Variants in ZIM2 observed in about 807,000 individuals in gnomAD.
The protein encoded by ZIM2 is zinc finger imprinted 2, also known as zinc finger protein 656.
A neutral mutation model predicts 38.6 loss-of-function variants in ZIM2; 14 were observed. The observed-to-expected ratio is 0.36, with a 90% CI of 0.24 to 0.57. The LOEUF (loss-of-function observed/expected upper bound fraction) is 0.57. Among genes scored for constraint, ZIM2 ranks in the 20% least tolerant of loss-of-function variants. ZIM2 has a pLI of 0.81. For synonymous variants in ZIM2, 247 were observed against 245.8 expected (o/e 1.00, Z -0.04); for missense variants, 680 against 695.1 (o/e 0.98, Z 0.24).
intron 5 of ZIM2, 100 bp from the exon 6 acceptor site, chr19:56,822,936 T>C (rs766017250): frequency 3.4e-6 from 5 of 1,476,026 alleles, no homozygotes; most frequent in Non-Finnish European, 4.6e-6. Context: ...TGCTACCCTC[T>C]TCCCACAAGG....
intron 9 of ZIM2, among the ~76,000 whole-genome samples, chr19:56,805,231 C>G (rs1262559933): frequency 6.6e-6 from 1 of 152,176 alleles, no homozygotes; most frequent in Non-Finnish European, 1.5e-5. Context: ...AGAAATGTTT[C>G]CAGACATTGC....
At chr19:56,811,802 C>G (rs1477702566) in intron 9 of ZIM2, 1 of 985,454 alleles carries the variant, frequency 1.0e-6, no homozygotes, top group East Asian at 1.1e-4. Context: ...TTCCAAACTG[C>G]TCAGGACACC....
chr19:56,781,833 T>C lies in ZIM2; in HGVS notation c.739+120A>G, dbSNP rs1051462709. 6 of 1,273,218 alleles carry C rather than the reference T, an allele frequency of 4.7e-6. No individual in the cohort carries two copies. In the Admixed American group the frequency reaches 1.4e-4, roughly 30 times the overall value. The allele number at this position is 1,273,218 out of a possible 1,614,324, so 78.9% of individuals were successfully genotyped here. On this transcript the variant is annotated intron_variant, in intron 11 of 12. Transcript: ENST00000629319. ...TATTCAAATATTAAAATATTGCCTC[T>C]GACCTGGGTTGAGACTCACTGACAT...
At chr19:56,835,116 A>T (rs1377437188) in intron 2 of ZIM2, among the ~76,000 whole-genome samples, 2 of 152,038 alleles carry the variant, frequency 1.3e-5, no homozygotes, top group Non-Finnish European at 2.9e-5. Context: ...ATATGACCAC[A>T]AACCAAGCCA....
At chr19:56,775,656 T>TA in intron 12 of ZIM2, 127 bp from the exon 13 acceptor site, 6 of 1,424,752 alleles carry the variant, frequency 4.2e-6, no homozygotes, top group East Asian at 2.3e-5. Flanking sequence ...TTTCCTAATC[T>TA]GAAAAAAAAA....
intron 9 of ZIM2, chr19:56,816,895 T>C: frequency 1.2e-6 from 2 of 1,614,200 alleles, no homozygotes; most frequent in South Asian, 2.2e-5. Context: ...GGCGGCACTC[T>C]TATTGAAGGT....
chr19:56,819,842 A>G (rs2060305576), intron 7 of ZIM2, among the ~76,000 whole-genome samples: 1 of 152,212 alleles, frequency 6.6e-6, no homozygotes, highest in South Asian at 2.1e-4. Flanking sequence ...ATGGAGCAAC[A>G]TGAAAAATGT....
chr19:56,802,319 T>C (rs774128832), intron 9 of ZIM2, among the ~76,000 whole-genome samples: 1 of 152,032 alleles, frequency 6.6e-6, no homozygotes, highest in African/African-American at 2.4e-5. Context: ...CAAAATTGAC[T>C]ATGGAAACGT....
At chr19:56,808,230 A>T (rs2047853723) in intron 9 of ZIM2, among the ~76,000 whole-genome samples, 1 of 152,166 alleles carries the variant, frequency 6.6e-6, no homozygotes, top group Non-Finnish European at 1.5e-5. Context: ...TATTTAACGG[A>T]TGCTGGGCAT....
At position 56,836,048 on chromosome 19, in the gene ZIM2, G is replaced by A. The variant is rs575350610; in HGVS notation, c.-257C>T. ...CCCAGCCACCTAGCGTTTGGACCTA[G>A]TCCCTCTTCCTCTCGCCAGTCGTCT... On this transcript the variant is annotated 5_prime_UTR_variant, in exon 2 of 13. Coordinates refer to ENST00000629319, the MANE Select transcript of ZIM2 (RefSeq NM_001387356.1). 3.5e-5 allele frequency: 18 copies of A among 510,436 alleles called. No homozygotes were observed. Among genetic ancestry groups the A allele is most frequent in the Middle Eastern group, 3.2e-4 (1 of 3,160 alleles). 31.6% of individuals were successfully genotyped at this position (510,436 alleles called of 1,614,324 possible).
chr19:56,781,013 T>A (rs1044339273), intron 11 of ZIM2, among the ~76,000 whole-genome samples: 14 of 152,192 alleles, frequency 9.2e-5, no homozygotes, highest in Non-Finnish European at 1.6e-4. Context: ...ATGCTCCAGG[T>A]CACTGCATGA....
chr19:56,807,781 AC>A (rs985314530), intron 9 of ZIM2, among the ~76,000 whole-genome samples: 17 of 147,570 alleles, frequency 1.2e-4, no homozygotes, highest in African/African-American at 4.0e-4. Context: ...ACAGAGTGAG[AC>A]CTTGTCTCAA....
At chr19:56,820,501 C>T (rs138789275) in intron 7 of ZIM2, among the ~76,000 whole-genome samples, 1 of 152,186 alleles carries the variant, frequency 6.6e-6, no homozygotes, top group African/African-American at 2.4e-5. Context: ...ATGCCTCCAG[C>T]CTTCTTCCTA....
chr19:56,825,565 TC>T (rs2060941291), intron 3 of ZIM2, among the ~76,000 whole-genome samples: 1 of 76,272 alleles, frequency 1.3e-5, no homozygotes, highest in Non-Finnish European at 3.9e-5. Flanking sequence ...TTTCAATCTC[TC>T]CTTTTTTTTA....
At chr19:56,794,397 T>C (rs1409332297) in intron 9 of ZIM2, among the ~76,000 whole-genome samples, 1 of 152,192 alleles carries the variant, frequency 6.6e-6, no homozygotes, top group East Asian at 1.9e-4. Flanking sequence ...GGGGAAAACA[T>C]TTTTTTCTTT....
chr19:56,807,375 G>A (rs1473989101), intron 9 of ZIM2, among the ~76,000 whole-genome samples: 1 of 152,178 alleles, frequency 6.6e-6, no homozygotes, highest in Non-Finnish European at 1.5e-5. Context: ...GAGAAAGTGA[G>A]TTCCCATTTG....
chr19:56,837,114 C>T (rs746766172), intron 1 of ZIM2, among the ~76,000 whole-genome samples: 71 of 152,168 alleles, frequency 4.7e-4, no homozygotes, highest in Admixed American at 7.2e-4. Flanking sequence ...GGTAAGTGAG[C>T]TCTAGGACTC....
intron 9 of ZIM2, chr19:56,811,770 A>C: frequency 1.0e-6 from 1 of 985,360 alleles, no homozygotes; most frequent in Non-Finnish European, 1.2e-6. Flanking sequence ...CCTCACCTAC[A>C]CCATACCATC....
chr19:56,837,197 G>A (rs939825696), intron 1 of ZIM2, among the ~76,000 whole-genome samples: 19 of 151,978 alleles, frequency 1.3e-4, no homozygotes, highest in African/African-American at 4.4e-4. Context: ...CCCTCTAGCG[G>A]CTCTGCTCAT....
Sources: allele counts gnomAD v4.1 joint callset (sites outside exome capture counted in the v4.1 genomes callset), GRCh38; gene constraint gnomAD v4.1.1; transcripts MANE v1.5; gene names NCBI Gene and HGNC (gene_info 2026-07-23, HGNC 2026-07-21).